The following SGCZ variants were observed in gnomAD, a reference collection of about 807,000 sequenced individuals.
SGCZ encodes the protein zeta-sarcoglycan.
Under a neutral mutation model 41.3 loss-of-function variants are expected in SGCZ, and 40 were observed. That is an observed-to-expected ratio of 0.97 (90% confidence interval 0.75 to 1.26). The LOEUF is 1.26. SGCZ is among the 50% of genes most tolerant of loss of function. The pLI, the probability that SGCZ is intolerant of heterozygous loss-of-function variation, is 0.00. For synonymous variants in SGCZ, 206 were observed against 137.5 expected (o/e 1.50, Z -3.49); for missense variants, 552 against 369.8 (o/e 1.49, Z -4.04).
intron 5 of SGCZ, among the ~76,000 whole-genome samples, chr8:14,115,923 C>T (rs1382386969): frequency 6.6e-6 from 1 of 151,926 alleles, no homozygotes; most frequent in Non-Finnish European, 1.5e-5. Flanking sequence ...ACTGCTAGTA[C>T]TCATAAAGGG....
intron 4 of SGCZ, among the ~76,000 whole-genome samples, chr8:14,199,108 C>T (rs943411401): frequency 5.9e-5 from 9 of 152,264 alleles, no homozygotes; most frequent in South Asian, 4.1e-4. Context: ...GTGGGCCAGG[C>T]GGAACAGAGC....
At chr8:14,983,855 A>G (rs1801748727) in intron 1 of SGCZ, among the ~76,000 whole-genome samples, 1 of 152,132 alleles carries the variant, frequency 6.6e-6, no homozygotes, top group South Asian at 2.1e-4. Context: ...TTCTATATCT[A>G]TTATATCTTT....
intron 1 of SGCZ, among the ~76,000 whole-genome samples, chr8:14,639,281 G>C (rs1806941250): frequency 6.6e-6 from 1 of 151,482 alleles, no homozygotes; most frequent in Non-Finnish European, 1.5e-5. Context: ...TATATTATTA[G>C]TGCCTTACCA....
At chr8:15,209,474 GTAAAAAAAAAAAAAAAAAA>G (rs1449895473) in intron 1 of SGCZ, among the ~76,000 whole-genome samples, 1 of 34,370 alleles carries the variant, frequency 2.9e-5, no homozygotes, top group East Asian at 7.0e-4. Context: ...CAGCATAATA[GTAAAAAAAAAAAAAAAAAA>G]AAAAAAAAAA....
intron 2 of SGCZ, among the ~76,000 whole-genome samples, chr8:14,326,767 C>T (rs1162357444): frequency 6.6e-6 from 1 of 152,264 alleles, no homozygotes; most frequent in East Asian, 1.9e-4. Context: ...GGCTGATTTA[C>T]ACCAGTTTTA....
At chr8:15,179,326 T>C (rs549481503) in intron 1 of SGCZ, among the ~76,000 whole-genome samples, 2 of 152,324 alleles carry the variant, frequency 1.3e-5, no homozygotes, top group African/African-American at 2.4e-5. Context: ...TAGCTTGTTC[T>C]CTTTAGCTGA....
chr8:14,978,937 T>C (rs1801576850), intron 1 of SGCZ, among the ~76,000 whole-genome samples: 1 of 152,168 alleles, frequency 6.6e-6, no homozygotes. Context: ...TAGCTGGGAC[T>C]ACAGGCATGT....
chr8:14,189,998 T>C (rs1443700428), intron 4 of SGCZ, among the ~76,000 whole-genome samples: 1 of 118,274 alleles, frequency 8.5e-6, no homozygotes, highest in Non-Finnish European at 1.7e-5. Context: ...AGAATCTACT[T>C]TTTCTTTCTT....
At chr8:14,093,584 G>T (rs375666403) in intron 7 of SGCZ, among the ~76,000 whole-genome samples, 5 of 152,018 alleles carry the variant, frequency 3.3e-5, no homozygotes, top group Admixed American at 2.6e-4. Flanking sequence ...TTTAATGAGT[G>T]GGGGGAGATA....
chr8:14,946,328 G>A (rs1007813016), intron 1 of SGCZ, among the ~76,000 whole-genome samples: 16 of 151,446 alleles, frequency 1.1e-4, no homozygotes, highest in African/African-American at 3.4e-4. Flanking sequence ...TGCTAGTCTC[G>A]GAGTGGCCAC....
chr8:14,784,656 AG>A (rs1420187482), intron 1 of SGCZ, among the ~76,000 whole-genome samples: 1 of 151,632 alleles, frequency 6.6e-6, no homozygotes, highest in East Asian at 1.9e-4. Flanking sequence ...GCACTTTGGG[AG>A]GCCAAGGCAG....
chr8:14,707,262 C>T (rs1585198067), intron 1 of SGCZ, among the ~76,000 whole-genome samples: 1 of 148,372 alleles, frequency 6.7e-6, no homozygotes, highest in African/African-American at 2.5e-5. Context: ...CAATTACCAC[C>T]TATGAGTGAG....
chr8:14,510,667 T>C (rs924065129), intron 2 of SGCZ, among the ~76,000 whole-genome samples: 2 of 152,138 alleles, frequency 1.3e-5, no homozygotes, highest in Non-Finnish European at 2.9e-5. Flanking sequence ...CAGATATGAA[T>C]GAAAAAGAAG....
chr8:15,188,349 A>T (rs73665398), intron 1 of SGCZ, among the ~76,000 whole-genome samples: 10,787 of 152,180 alleles, frequency 0.071, 414 homozygotes, highest in African/African-American at 0.083. Context: ...TCCTGTATAG[A>T]CATATTGTCA....
intron 3 of SGCZ, among the ~76,000 whole-genome samples, chr8:14,283,451 G>C (rs1042077114): frequency 5.3e-5 from 8 of 151,864 alleles, no homozygotes; most frequent in Admixed American, 1.3e-4. Flanking sequence ...TTAGAAAAAT[G>C]TCATTATCCG....
At chr8:15,156,610 C>G (rs951153639) in intron 1 of SGCZ, among the ~76,000 whole-genome samples, 8 of 152,142 alleles carry the variant, frequency 5.3e-5, no homozygotes, top group African/African-American at 1.7e-4. Flanking sequence ...AAGACATTTC[C>G]TCAAAGCTCC....
intron 1 of SGCZ, among the ~76,000 whole-genome samples, chr8:14,684,108 C>G (rs1808531812): frequency 6.6e-6 from 1 of 152,018 alleles, no homozygotes. Flanking sequence ...TGTACTTTTC[C>G]AGTGATTACA....
At position 14,183,189 on chromosome 8, in the gene SGCZ, GC is replaced by G. The variant is rs59663862; in HGVS notation, c.425-18488del. ...GAAAATTTTGTTGACATGAGTAGAT[GC>G]CTACAAAATATTGCCAAATTGACTT... On this transcript the variant is annotated intron_variant, in intron 4 of 7. Transcript: ENST00000382080. Among the ~76,000 whole-genome samples, 268 of 152,114 alleles carry G rather than the reference GC, an allele frequency of 1.8e-3. 1 individual carries two copies. Among genetic ancestry groups the G allele is most frequent in the African/African-American group, 6.0e-3 (249 of 41,520 alleles).
rs182489753 is a variant in SGCZ at position 14,195,969 on chromosome 8, G to C, written c.425-31267C>G. Among the ~76,000 whole-genome samples the C allele has an allele frequency of 1.9e-4, 29 of 152,150 alleles. No homozygotes were observed. The East Asian group carries it at 5.2e-3, about 27-fold the overall frequency. Reference sequence around the variant, plus strand: ...ATATGAATCTATACAGAGAAATAAAGGGTAGTGACCACCTGAGTAAACACA... The same window carrying C: ...ATATGAATCTATACAGAGAAATAAACGGTAGTGACCACCTGAGTAAACACA... On this transcript the variant is annotated intron_variant, in intron 4 of 7. Coordinates refer to ENST00000382080, the MANE Select transcript of SGCZ (RefSeq NM_139167.4).
Sources: allele counts gnomAD v4.1 joint callset (sites outside exome capture counted in the v4.1 genomes callset), GRCh38; gene constraint gnomAD v4.1.1; transcripts MANE v1.5; gene names NCBI Gene and HGNC (gene_info 2026-07-23, HGNC 2026-07-21).